The following BICRAL variants were observed in gnomAD, a reference collection of about 807,000 sequenced individuals.
The protein encoded by BICRAL is BRD4-interacting chromatin-remodeling complex-associated protein-like.
In BICRAL, 8 loss-of-function variants were observed where a neutral mutation model predicts 91.8. The observed-to-expected ratio is 0.09, with a 90% CI of 0.05 to 0.16. The LOEUF (loss-of-function observed/expected upper bound fraction) is 0.16, where lower values mean the gene tolerates loss of function less well. Ranked by LOEUF, BICRAL falls within the 10% of genes least tolerant of loss-of-function variation. The pLI is 1.00. For missense variants in BICRAL, 1,038 were observed against 1,310.9 expected (o/e 0.79, Z 3.21); for synonymous variants, 445 against 491.1 (o/e 0.91, Z 1.24).
chr6:42,807,800 G>A (rs1453235023), intron 1 of BICRAL, among the ~76,000 whole-genome samples: 7 of 146,242 alleles, frequency 4.8e-5, no homozygotes, highest in African/African-American at 1.3e-4. Flanking sequence ...GCGAGACTCC[G>A]TCTGAAAAAA....
chr6:42,844,508 C>CAAAAAAAAAAAAAAAAAAAAAAA (rs34115804), intron 6 of BICRAL, among the ~76,000 whole-genome samples: 1 of 31,438 alleles, frequency 3.2e-5, no homozygotes, highest in African/African-American at 7.0e-5. Context: ...GACTCCATCT[C>CAAAAAAAAAAAAAAAAAAAAAAA]AAAAAAAAAA....
At chr6:42,765,682 C>A (rs1409848292) in intron 1 of BICRAL, among the ~76,000 whole-genome samples, 2 of 152,106 alleles carry the variant, frequency 1.3e-5, no homozygotes, top group Non-Finnish European at 2.9e-5. Context: ...GGTGTGAGTT[C>A]CCCAGAAAGC....
intron 1 of BICRAL, among the ~76,000 whole-genome samples, chr6:42,793,504 G>A (rs1197396513): frequency 2.7e-5 from 4 of 150,196 alleles, no homozygotes; most frequent in African/African-American, 4.9e-5. Context: ...GGCTAGTCTG[G>A]TCTCCAACTC....
chr6:42,845,081 T>G (rs370736642), intron 6 of BICRAL, among the ~76,000 whole-genome samples: 1 of 151,868 alleles, frequency 6.6e-6, no homozygotes, highest in East Asian at 1.9e-4. Flanking sequence ...ACCATAATTA[T>G]AACACACTGA....
intron 1 of BICRAL, among the ~76,000 whole-genome samples, chr6:42,798,137 A>C (rs1032387757): frequency 2.0e-5 from 3 of 150,636 alleles, no homozygotes; most frequent in African/African-American, 7.3e-5. Flanking sequence ...GAGCTAAACA[A>C]TGGTACGCAT....
intron 2 of BICRAL, among the ~76,000 whole-genome samples, chr6:42,812,696 A>AT (rs1763873747): frequency 6.6e-6 from 1 of 152,184 alleles, no homozygotes; most frequent in Non-Finnish European, 1.5e-5. Flanking sequence ...ATCTGAAGAT[A>AT]TATGAATAGA....
At chr6:42,849,182 G>A (rs1765105605) in intron 6 of BICRAL, among the ~76,000 whole-genome samples, 2 of 152,126 alleles carry the variant, frequency 1.3e-5, no homozygotes, top group African/African-American at 4.8e-5. Context: ...AACCTCCTGG[G>A]CTCAAGCAGT....
chr6:42,865,073 C>T lies in BICRAL; in HGVS notation c.2867C>T (p.Ser956Leu). The change falls in exon 13 of 13, where the codon TCA (serine) becomes TTA (leucine). Residue 956 changes from serine to leucine, a missense_variant. Transcript: ENST00000314073. ...GATCATGGTACTGAGAGCAAACTGT[C>T]AAGCATCCTAGCAGATTCGCACTTG... ...RSDHGTESKLSSILADSHLEM... is the reference protein window; with the variant it reads ...RSDHGTESKLLSILADSHLEM... The T allele has an allele frequency of 6.2e-7, 1 of 1,614,132 alleles. No homozygotes were observed. Among genetic ancestry groups the T allele is most frequent in the African/African-American group, 1.3e-5 (1 of 75,046 alleles).
chr6:42,805,768 G>A (rs1234242473), intron 1 of BICRAL, among the ~76,000 whole-genome samples: 1 of 152,064 alleles, frequency 6.6e-6, no homozygotes, highest in Non-Finnish European at 1.5e-5. Context: ...TTGGAAGGCC[G>A]AGACGGGTGG....
At chr6:42,838,332 C>T (rs1254554376) in intron 6 of BICRAL, among the ~76,000 whole-genome samples, 1 of 152,130 alleles carries the variant, frequency 6.6e-6, no homozygotes, top group African/African-American at 2.4e-5. Flanking sequence ...TCTGACTGGA[C>T]TTGTCTGACT....
At chr6:42,797,540 G>A (rs911984844) in intron 1 of BICRAL, among the ~76,000 whole-genome samples, 3 of 152,174 alleles carry the variant, frequency 2.0e-5, no homozygotes, top group Non-Finnish European at 4.4e-5. Flanking sequence ...CCCTGAGGGA[G>A]TGTGCCTCAG....
chr6:42,838,706 A>T (rs760755367), intron 6 of BICRAL, among the ~76,000 whole-genome samples: 6 of 152,222 alleles, frequency 3.9e-5, no homozygotes, highest in African/African-American at 7.2e-5. Flanking sequence ...CACACCTGTA[A>T]TCCCTGCACT....
In BICRAL at chr6:42,865,532, A is replaced by C. The variant is rs1410617869; in HGVS notation, c.*86A>C. On this transcript the variant is annotated 3_prime_UTR_variant, in exon 13 of 13. Transcript: ENST00000314073. Reference sequence around the variant, plus strand: ...AGTTACATTCGTTCCTGGCAAAAGCAAATGGAAATGGTCTCCTGTCTCCAG... The same window carrying C: ...AGTTACATTCGTTCCTGGCAAAAGCCAATGGAAATGGTCTCCTGTCTCCAG... 3 of 671,586 alleles carry C rather than the reference A, an allele frequency of 4.5e-6. No homozygotes were observed. The highest frequency in any genetic ancestry group is 1.9e-5 in the South Asian group (1 of 52,912). 41.6% of individuals were successfully genotyped at this position (671,586 alleles called of 1,614,324 possible).
At chr6:42,842,790 A>T (rs1293549363) in intron 6 of BICRAL, among the ~76,000 whole-genome samples, 1 of 152,064 alleles carries the variant, frequency 6.6e-6, no homozygotes, top group Non-Finnish European at 1.5e-5. Flanking sequence ...TACCTACCAC[A>T]TGCCAGCCCC....
chr6:42,747,399 C>T (rs1762296084), intron 1 of BICRAL, among the ~76,000 whole-genome samples: 1 of 152,198 alleles, frequency 6.6e-6, no homozygotes, highest in African/African-American at 2.4e-5. Context: ...TATTTAACGA[C>T]CCAAGAAACT....
Position 42,866,859 on chromosome 6 carries a change from C to T in BICRAL, c.*1413C>T. ...CCTTTATTCTTAATGTCATTGTAAC[C>T]ATCACTTATCTCCTCTCATTGGGAA... On this transcript the variant is annotated 3_prime_UTR_variant, in exon 13 of 13. Coordinates refer to ENST00000314073, the MANE Select transcript of BICRAL (RefSeq NM_001393499.1). 1 of 456,224 alleles carries T rather than the reference C, an allele frequency of 2.2e-6. No individual in the cohort carries two copies. The highest frequency in any genetic ancestry group is 4.4e-6 in the Non-Finnish European group (1 of 226,790). The allele number at this position is 456,224 out of a possible 1,614,324, so 28.3% of individuals were successfully genotyped here.
intron 1 of BICRAL, among the ~76,000 whole-genome samples, chr6:42,751,803 A>C (rs1349353044): frequency 6.6e-6 from 1 of 151,910 alleles, no homozygotes; most frequent in Non-Finnish European, 1.5e-5. Context: ...GATTATAGGC[A>C]TGCGCCACCA....
chr6:42,822,642 T>C (rs1277789167), intron 3 of BICRAL, among the ~76,000 whole-genome samples, 154 bp from the exon 4 acceptor site: 1 of 149,176 alleles, frequency 6.7e-6, no homozygotes, highest in South Asian at 2.1e-4. Flanking sequence ...AAAAACAAGA[T>C]TAAAAAAAAA....
chr6:42,762,407 A>AT (rs1019455532), intron 1 of BICRAL, among the ~76,000 whole-genome samples: 5 of 152,022 alleles, frequency 3.3e-5, no homozygotes, highest in Non-Finnish European at 4.4e-5. Flanking sequence ...TTTTTAAAGC[A>AT]TTTTTTTTAT....
Sources: allele counts gnomAD v4.1 joint callset (sites outside exome capture counted in the v4.1 genomes callset), GRCh38; gene constraint gnomAD v4.1.1; transcripts MANE v1.5; gene names NCBI Gene and HGNC (gene_info 2026-07-23, HGNC 2026-07-21).